Variants in PDE1A observed in about 807,000 individuals in gnomAD.
PDE1A encodes dual specificity calcium/calmodulin-dependent 3',5'-cyclic nucleotide phosphodiesterase 1A.
A neutral mutation model predicts 61.7 loss-of-function variants in PDE1A; 35 were observed. That is an observed-to-expected ratio of 0.57 (90% confidence interval 0.43 to 0.75). The LOEUF (loss-of-function observed/expected upper bound fraction) is 0.75. Among genes scored for constraint, PDE1A ranks in the 30% least tolerant of loss-of-function variants. PDE1A has a pLI of 0.00. For missense variants in PDE1A, 597 were observed against 630.6 expected (o/e 0.95, Z 0.57); for synonymous variants, 232 against 213.2 (o/e 1.09, Z -0.77).
At chr2:182,703,019 G>C in the PDE1A span, among the ~76,000 whole-genome samples, 1 of 152,210 alleles carries the variant, frequency 6.6e-6, no homozygotes, top group Non-Finnish European at 1.5e-5. Flanking sequence ...ACATACAGAT[G>C]AAAGTTAATG....
chr2:182,520,896 C>T (rs755273476), intron 2 of PDE1A, among the ~76,000 whole-genome samples: 4 of 151,904 alleles, frequency 2.6e-5, no homozygotes, highest in Non-Finnish European at 5.9e-5. Flanking sequence ...CTGTTATTTG[C>T]TTTGATAGGA....
chr2:182,217,454 A>G, intron 7 of PDE1A, among the ~76,000 whole-genome samples: 1 of 113,946 alleles, frequency 8.8e-6, no homozygotes, highest in Non-Finnish European at 1.8e-5. Context: ...TGCACAGCAA[A>G]AGAAACTACC....
the PDE1A span, among the ~76,000 whole-genome samples, chr2:182,635,063 A>C: frequency 1.3e-5 from 2 of 152,270 alleles, no homozygotes; most frequent in East Asian, 3.9e-4. Flanking sequence ...CTCATTATAA[A>C]AAATGTGTTC....
At chr2:182,190,471 T>G (rs1268096732) in intron 10 of PDE1A, among the ~76,000 whole-genome samples, 8 of 152,238 alleles carry the variant, frequency 5.3e-5, no homozygotes, top group Non-Finnish European at 7.3e-5. Flanking sequence ...TTGCTGTTAC[T>G]TCAGACACAG....
At chr2:182,357,071 A>T (rs1425453917) in intron 1 of PDE1A, among the ~76,000 whole-genome samples, 7 of 152,052 alleles carry the variant, frequency 4.6e-5, no homozygotes, top group African/African-American at 9.7e-5. Context: ...TAGGAGATAT[A>T]CCTAATGTAA....
the PDE1A span, among the ~76,000 whole-genome samples, chr2:182,714,303 T>C: frequency 5.3e-5 from 8 of 152,300 alleles, no homozygotes; most frequent in Admixed American, 1.3e-4. Context: ...TCCACAACTT[T>C]ACTTATTCTG....
intron 13 of PDE1A, among the ~76,000 whole-genome samples, chr2:182,169,920 ACG>A (rs774582717): frequency 0.31 from 26,182 of 83,652 alleles, 2,370 homozygotes; most frequent in East Asian, 0.5. Flanking sequence ...ACACACACAC[ACG>A]CACACACACA....
the PDE1A span, among the ~76,000 whole-genome samples, chr2:182,676,683 G>A: frequency 9.9e-5 from 15 of 152,156 alleles, no homozygotes; most frequent in East Asian, 1.9e-4. Context: ...CTTTCCAGCC[G>A]AATCCAGCAG....
chr2:182,372,793 G>A (rs920132076), intron 1 of PDE1A, among the ~76,000 whole-genome samples: 3 of 152,192 alleles, frequency 2.0e-5, no homozygotes, highest in Admixed American at 1.3e-4. Context: ...CAGACCAACG[G>A]TTAGCACTGG....
chr2:182,276,042 A>G (rs1693385065), intron 1 of PDE1A, among the ~76,000 whole-genome samples: 1 of 152,088 alleles, frequency 6.6e-6, no homozygotes, highest in Admixed American at 6.6e-5. Context: ...GGAGGAATCT[A>G]AGAGATATAA....
the PDE1A span, among the ~76,000 whole-genome samples, chr2:182,710,937 T>C: frequency 6.6e-6 from 1 of 152,246 alleles, no homozygotes; most frequent in African/African-American, 2.4e-5. Flanking sequence ...AGTTTTCCTC[T>C]ATCTTTTGTT....
chr2:182,477,270 T>A (rs943181335), intron 2 of PDE1A, among the ~76,000 whole-genome samples: 1 of 151,926 alleles, frequency 6.6e-6, no homozygotes, highest in African/African-American at 2.4e-5. Context: ...GAGAAAAATG[T>A]AGTCTGGTTA....
chr2:182,212,365 T>TA (rs1308691452), intron 7 of PDE1A, among the ~76,000 whole-genome samples: 1 of 152,148 alleles, frequency 6.6e-6, no homozygotes, highest in Non-Finnish European at 1.5e-5. Flanking sequence ...TGAGAACACT[T>TA]AAAATCTACT....
At chr2:182,459,476 C>T (rs1174443760) in intron 2 of PDE1A, among the ~76,000 whole-genome samples, 6 of 152,106 alleles carry the variant, frequency 3.9e-5, no homozygotes, top group Admixed American at 3.9e-4. Flanking sequence ...TCATTAACGC[C>T]TGTGTTTATA....
Position 182,491,362 on chromosome 2 carries a change from T to C in PDE1A, c.101+30914A>G, listed in dbSNP as rs532587362. On this transcript the variant is annotated intron_variant, in intron 2 of 14. Transcript: ENST00000410103. The stretch of plus-strand genomic sequence containing the variant: ...AGTATGCAAGTGAGGGATATAATAA[T>C]GGACTGTGGCATTTAAGCTTCTTGG... Among the ~76,000 whole-genome samples, 12 of 152,190 alleles carry C rather than the reference T, an allele frequency of 7.9e-5. No individual in the cohort carries two copies. The South Asian group carries it at 2.5e-3, about 32-fold the overall frequency.
intron 13 of PDE1A, among the ~76,000 whole-genome samples, chr2:182,174,553 C>A (rs540678099): frequency 6.6e-6 from 1 of 151,986 alleles, no homozygotes; most frequent in Non-Finnish European, 1.5e-5. Context: ...GCATTACACA[C>A]TGAACAAAAA....
the PDE1A span, among the ~76,000 whole-genome samples, chr2:182,552,727 G>A: frequency 4.3e-4 from 65 of 152,164 alleles, 2 homozygotes; most frequent in Admixed American, 1.3e-4. Flanking sequence ...AGCACAGTGG[G>A]AGGGACAAGG....
At chr2:182,564,951 C>T in the PDE1A span, among the ~76,000 whole-genome samples, 1 of 152,108 alleles carries the variant, frequency 6.6e-6, no homozygotes. Flanking sequence ...GTTATACATT[C>T]GTCTAAATTT....
chr2:182,690,448 A>G, the PDE1A span, among the ~76,000 whole-genome samples: 1 of 152,238 alleles, frequency 6.6e-6, no homozygotes, highest in Non-Finnish European at 1.5e-5. Flanking sequence ...ATCTCAATAG[A>G]TGCAGAAAAG....
Sources: gnomAD v4.1 joint callset for allele counts (sites outside exome capture counted in the v4.1 genomes callset) on GRCh38, gnomAD v4.1.1 for gene constraint, MANE v1.5 for transcripts, NCBI Gene and HGNC (gene_info 2026-07-23, HGNC 2026-07-21) for gene names.